RBFOX1: variants seen among roughly 807,000 people sequenced by gnomAD.
The protein encoded by RBFOX1 is RNA binding fox-1 homolog 1.
Under a neutral mutation model 57.7 loss-of-function variants are expected in RBFOX1, and 8 were observed. The observed-to-expected ratio is 0.14, with a 90% CI of 0.08 to 0.25. The LOEUF (loss-of-function observed/expected upper bound fraction) is 0.25. Among genes scored for constraint, RBFOX1 ranks in the 10% least tolerant of loss-of-function variants. The probability of loss-of-function intolerance (pLI) is 1.00; values close to 1 mark genes in which losing one functional copy is unlikely to be tolerated. For synonymous variants in RBFOX1, 326 were observed against 222.4 expected (o/e 1.47, Z -4.15); for missense variants, 611 against 548.5 (o/e 1.11, Z -1.14).
chr16:5,582,548 T>C (rs955595319), intron 2 of RBFOX1, among the ~76,000 whole-genome samples: 472 of 13,714 alleles, frequency 0.034, 7 homozygotes, highest in Admixed American at 0.22. Context: ...AGCACGTCAC[T>C]TTTTTTTTTT....
In RBFOX1 at chr16:7,308,988, G is replaced by C. The variant is rs1215879328; in HGVS notation, c.28-209159G>C. On this transcript the variant is annotated intron_variant, in intron 4 of 15. Transcript: ENST00000550418. ...TAATCCCGTGTTGATTTATTAGATAGTGCTATGGATTGGGGGTGGTCGATA... is the reference window on the plus strand; with the variant it reads ...TAATCCCGTGTTGATTTATTAGATACTGCTATGGATTGGGGGTGGTCGATA... Among the ~76,000 whole-genome samples, 3 of 152,186 alleles carry C rather than the reference G, an allele frequency of 2.0e-5. No individual in the cohort carries two copies. The East Asian group carries it at 5.8e-4, about 29-fold the overall frequency.
chr16:6,809,357 GC>G (rs2087817143), intron 3 of RBFOX1, among the ~76,000 whole-genome samples: 1 of 152,090 alleles, frequency 6.6e-6, no homozygotes, highest in African/African-American at 2.4e-5. Context: ...GCCTCTAAGT[GC>G]CAGCCACTGT....
chr16:5,249,843 T>C (rs751594808), intron 1 of RBFOX1, among the ~76,000 whole-genome samples: 1 of 152,068 alleles, frequency 6.6e-6, no homozygotes, highest in Non-Finnish European at 1.5e-5. Flanking sequence ...CCTGTAATCC[T>C]AGTTATTTGG....
At chr16:6,454,296 C>T (rs1036204106) in intron 2 of RBFOX1, among the ~76,000 whole-genome samples, 2 of 152,168 alleles carry the variant, frequency 1.3e-5, no homozygotes, top group South Asian at 4.1e-4. Flanking sequence ...GTGGCTCATT[C>T]CTGCAACTGT....
intron 4 of RBFOX1, among the ~76,000 whole-genome samples, chr16:7,168,669 G>C (rs141179816): frequency 4.6e-5 from 7 of 152,086 alleles, no homozygotes; most frequent in Non-Finnish European, 8.8e-5. Flanking sequence ...ACCACTTCTA[G>C]CCATAACTTC....
intron 4 of RBFOX1, among the ~76,000 whole-genome samples, chr16:7,105,129 C>A (rs2063347138): frequency 6.6e-6 from 1 of 152,096 alleles, no homozygotes; most frequent in Non-Finnish European, 1.5e-5. Context: ...AAGCAAAAGT[C>A]TCAGGACTGC....
chr16:7,031,457 A>T (rs2042768633), intron 3 of RBFOX1, among the ~76,000 whole-genome samples: 1 of 152,016 alleles, frequency 6.6e-6, no homozygotes, highest in Admixed American at 6.6e-5. Flanking sequence ...TTAGCTAGGC[A>T]TGGTGGCACA....
At chr16:6,805,122 C>G (rs924552679) in intron 3 of RBFOX1, among the ~76,000 whole-genome samples, 1 of 152,066 alleles carries the variant, frequency 6.6e-6, no homozygotes, top group Non-Finnish European at 1.5e-5. Flanking sequence ...CTCACAATAG[C>G]AAAGATATGG....
At chr16:6,392,976 G>A (rs2092672941) in intron 2 of RBFOX1, among the ~76,000 whole-genome samples, 1 of 152,168 alleles carries the variant, frequency 6.6e-6, no homozygotes, top group African/African-American at 2.4e-5. Flanking sequence ...CTTGTTTCAA[G>A]ATGCTCACTA....
At chr16:7,057,335 G>T (rs1267592527) in intron 4 of RBFOX1, among the ~76,000 whole-genome samples, 4 of 152,142 alleles carry the variant, frequency 2.6e-5, no homozygotes, top group Non-Finnish European at 5.9e-5. Flanking sequence ...AGGCCTCCCA[G>T]GAATCAGAGC....
At chr16:6,128,717 C>T (rs901729399) in intron 1 of RBFOX1, among the ~76,000 whole-genome samples, 4 of 152,148 alleles carry the variant, frequency 2.6e-5, no homozygotes, top group South Asian at 4.1e-4. Flanking sequence ...CTATCCATGT[C>T]CAGGGTGACA....
At chr16:7,225,094 G>C (rs141535469) in intron 4 of RBFOX1, among the ~76,000 whole-genome samples, 1 of 152,110 alleles carries the variant, frequency 6.6e-6, no homozygotes, top group Non-Finnish European at 1.5e-5. Flanking sequence ...TCCAATATCA[G>C]GTGTTCCAAA....
At chr16:7,440,446 C>G (rs1248050444) in intron 4 of RBFOX1, among the ~76,000 whole-genome samples, 2 of 152,134 alleles carry the variant, frequency 1.3e-5, no homozygotes, top group African/African-American at 2.4e-5. Context: ...TGTATGTCCA[C>G]AACCCCAGTT....
intron 3 of RBFOX1, among the ~76,000 whole-genome samples, chr16:5,791,201 A>G (rs1310341800): frequency 6.6e-6 from 1 of 152,148 alleles, no homozygotes; most frequent in African/African-American, 2.4e-5. Context: ...TGACTCAGCT[A>G]GATCATTAAA....
chr16:6,698,629 C>G (rs912259972), intron 3 of RBFOX1, among the ~76,000 whole-genome samples: 1 of 152,168 alleles, frequency 6.6e-6, no homozygotes, highest in Admixed American at 6.5e-5. Context: ...ATCTGTTATT[C>G]ACCGAGGCAG....
At chr16:7,243,016 G>C (rs1193857150) in intron 4 of RBFOX1, among the ~76,000 whole-genome samples, 2 of 152,018 alleles carry the variant, frequency 1.3e-5, no homozygotes, top group Non-Finnish European at 2.9e-5. Context: ...TGGATTTTCA[G>C]GATGTCAAGC....
intron 3 of RBFOX1, among the ~76,000 whole-genome samples, chr16:5,807,113 G>T (rs947194617): frequency 6.6e-6 from 1 of 152,132 alleles, no homozygotes; most frequent in Non-Finnish European, 1.5e-5. Flanking sequence ...GGTAAATACT[G>T]ACTCCTTTGT....
intron 2 of RBFOX1, among the ~76,000 whole-genome samples, chr16:6,336,486 C>T (rs957967510): frequency 3.9e-5 from 6 of 152,052 alleles, no homozygotes; most frequent in Middle Eastern, 3.2e-3. Context: ...TAGCTTTGAA[C>T]TTCAGCATTC....
At chr16:7,593,430 T>C (rs2094541769) in intron 7 of RBFOX1, among the ~76,000 whole-genome samples, 2 of 152,284 alleles carry the variant, frequency 1.3e-5, no homozygotes, top group South Asian at 4.1e-4. Flanking sequence ...TGTATTTGCA[T>C]ACCCAATATG....
Sources: allele counts gnomAD v4.1 joint callset (sites outside exome capture counted in the v4.1 genomes callset), GRCh38; gene constraint gnomAD v4.1.1; transcripts MANE v1.5; gene names NCBI Gene and HGNC (gene_info 2026-07-23, HGNC 2026-07-21).